Variants in KCNIP4 observed in about 807,000 individuals in gnomAD.
KCNIP4 encodes Kv channel-interacting protein 4.
KCNIP4 carries 12 observed loss-of-function variants against 34.0 expected under a neutral mutation model. The observed-to-expected ratio is 0.35, with a 90% CI of 0.23 to 0.57. KCNIP4 has a LOEUF of 0.57. KCNIP4 is among the 20% of genes least tolerant of loss of function. KCNIP4 has a pLI of 0.83. For synonymous variants in KCNIP4, 124 were observed against 102.2 expected (o/e 1.21, Z -1.29); for missense variants, 238 against 311.7 (o/e 0.76, Z 1.78).
chr4:20,972,709 A>G (rs1408096131), intron 1 of KCNIP4, among the ~76,000 whole-genome samples: 3 of 152,196 alleles, frequency 2.0e-5, no homozygotes, highest in Admixed American at 1.3e-4. Context: ...TGTGAAGTGC[A>G]AAGCAATAAA....
intron 1 of KCNIP4, among the ~76,000 whole-genome samples, chr4:21,341,785 G>A (rs1464884733): frequency 6.6e-6 from 1 of 152,102 alleles, no homozygotes; most frequent in Admixed American, 6.6e-5. Context: ...AACTACAAAT[G>A]CTTTGTGGTT....
intron 1 of KCNIP4, among the ~76,000 whole-genome samples, chr4:21,154,701 G>A (rs1252728045): frequency 6.6e-6 from 1 of 152,080 alleles, no homozygotes; most frequent in Non-Finnish European, 1.5e-5. Flanking sequence ...TAGTCCTCTG[G>A]GAAAATTTAA....
At chr4:21,233,907 A>ATATATTATATATAATGTAAT (rs1380698521) in intron 1 of KCNIP4, among the ~76,000 whole-genome samples, 3 of 132,914 alleles carry the variant, frequency 2.3e-5, no homozygotes, top group African/African-American at 8.7e-5. Context: ...TATAACTAAT[A>ATATATTATATATAATGTAAT]TATATTATAT....
At chr4:21,031,768 A>G (rs1201485862) in intron 1 of KCNIP4, among the ~76,000 whole-genome samples, 2 of 152,212 alleles carry the variant, frequency 1.3e-5, no homozygotes, top group Non-Finnish European at 2.9e-5. Flanking sequence ...AATTCGAGTT[A>G]TGTAGTCTGG....
chr4:21,328,278 G>A (rs1352822069), intron 1 of KCNIP4, among the ~76,000 whole-genome samples: 3 of 152,164 alleles, frequency 2.0e-5, no homozygotes, highest in Non-Finnish European at 4.4e-5. Context: ...CTGCATTAGA[G>A]GGCATCCCAA....
chr4:21,369,310 T>A (rs891815896), intron 1 of KCNIP4, among the ~76,000 whole-genome samples: 1 of 147,388 alleles, frequency 6.8e-6, no homozygotes, highest in Non-Finnish European at 1.5e-5. Flanking sequence ...TCTGAAGATA[T>A]AAAGATTAAT....
intron 1 of KCNIP4, among the ~76,000 whole-genome samples, chr4:21,649,639 A>T (rs1041344484): frequency 1.3e-5 from 2 of 152,110 alleles, no homozygotes; most frequent in African/African-American, 4.8e-5. Flanking sequence ...TTGGCTATTT[A>T]TGTCTTGTTC....
At chr4:21,890,008 G>A (rs1383346519) in intron 1 of KCNIP4, among the ~76,000 whole-genome samples, 1 of 152,124 alleles carries the variant, frequency 6.6e-6, no homozygotes, top group Non-Finnish European at 1.5e-5. Context: ...TGGTGGTATT[G>A]GCGATGGAAT....
intron 1 of KCNIP4, among the ~76,000 whole-genome samples, chr4:21,176,542 A>C (rs1754423248): frequency 6.6e-6 from 1 of 152,100 alleles, no homozygotes; most frequent in South Asian, 2.1e-4. Context: ...TTTGTGATGG[A>C]GTTTTCACTC....
chr4:21,019,265 CCT>C (rs1363988302), intron 1 of KCNIP4, among the ~76,000 whole-genome samples: 8 of 152,054 alleles, frequency 5.3e-5, no homozygotes, highest in African/African-American at 1.9e-4. Context: ...AAGCAATTCC[CCT>C]GTCTCAACTT....
intron 1 of KCNIP4, among the ~76,000 whole-genome samples, chr4:21,299,545 C>G (rs1198424792): frequency 1.3e-5 from 2 of 152,082 alleles, no homozygotes; most frequent in East Asian, 1.9e-4. Flanking sequence ...CTTTCTTAAA[C>G]TTTACAGTTT....
intron 1 of KCNIP4, among the ~76,000 whole-genome samples, chr4:21,903,659 T>C (rs1727829202): frequency 6.6e-6 from 1 of 152,058 alleles, no homozygotes; most frequent in Non-Finnish European, 1.5e-5. Context: ...ATTATAGAAA[T>C]CTTACAAAAT....
chr4:21,262,820 T>C (rs1761557205), intron 1 of KCNIP4, among the ~76,000 whole-genome samples: 1 of 152,186 alleles, frequency 6.6e-6, no homozygotes, highest in African/African-American at 2.4e-5. Flanking sequence ...AAAACTGTTG[T>C]TATATATTGA....
intron 1 of KCNIP4, among the ~76,000 whole-genome samples, chr4:21,064,586 A>G (rs1399863673): frequency 6.6e-6 from 1 of 152,136 alleles, no homozygotes; most frequent in Non-Finnish European, 1.5e-5. Context: ...TGGAGTATAC[A>G]CCTCTGAAGG....
chr4:21,123,027 G>A (rs1315743277), intron 1 of KCNIP4, among the ~76,000 whole-genome samples: 2 of 151,848 alleles, frequency 1.3e-5, no homozygotes, highest in Non-Finnish European at 2.9e-5. Flanking sequence ...TGGCTAACAT[G>A]GTGAAACCCC....
intron 2 of KCNIP4, among the ~76,000 whole-genome samples, chr4:20,868,013 TATA>T (rs1723042521): frequency 9.7e-6 from 1 of 102,616 alleles, no homozygotes; most frequent in Non-Finnish European, 2.0e-5. Flanking sequence ...AAACTTAAAG[TATA>T]ATAATAATAA....
intron 1 of KCNIP4, among the ~76,000 whole-genome samples, chr4:21,241,090 A>G (rs1326612719): frequency 6.6e-6 from 1 of 152,178 alleles, no homozygotes; most frequent in Non-Finnish European, 1.5e-5. Context: ...TTTTGTTGCT[A>G]AAGAATATTT....
intron 1 of KCNIP4, among the ~76,000 whole-genome samples, chr4:21,758,913 A>T (rs1717854134): frequency 6.6e-6 from 1 of 151,918 alleles, no homozygotes. Context: ...CTAATGTGTA[A>T]GATAAGGATA....
At chr4:21,742,238 T>C (rs926309892) in intron 1 of KCNIP4, among the ~76,000 whole-genome samples, 5 of 152,094 alleles carry the variant, frequency 3.3e-5, no homozygotes, top group Non-Finnish European at 5.9e-5. Flanking sequence ...ATGCATTACA[T>C]AGAGAGAGGG....
Sources: gnomAD v4.1 joint callset for allele counts (sites outside exome capture counted in the v4.1 genomes callset) on GRCh38, gnomAD v4.1.1 for gene constraint, MANE v1.5 for transcripts, NCBI Gene and HGNC (gene_info 2026-07-23, HGNC 2026-07-21) for gene names.